The following JARID2 variants were observed in gnomAD, a reference collection of about 807,000 sequenced individuals.
JARID2 encodes the protein protein Jumonji.
Under a neutral mutation model 125.6 loss-of-function variants are expected in JARID2, and 21 were observed. The observed-to-expected ratio is 0.17, with a 90% CI of 0.12 to 0.24. The LOEUF (loss-of-function observed/expected upper bound fraction) is 0.24, where lower values mean the gene tolerates loss of function less well. Among genes scored for constraint, JARID2 ranks in the 10% least tolerant of loss-of-function variants. The probability of loss-of-function intolerance (pLI) is 1.00; values close to 1 mark genes in which losing one functional copy is unlikely to be tolerated. For missense variants in JARID2, 1,303 were observed against 1,639.6 expected (o/e 0.79, Z 3.55); for synonymous variants, 736 against 661.6 (o/e 1.11, Z -1.73).
intron 7 of JARID2, among the ~76,000 whole-genome samples, chr6:15,499,404 T>G (rs1267487788): frequency 6.6e-6 from 1 of 152,200 alleles, no homozygotes; most frequent in Non-Finnish European, 1.5e-5. Flanking sequence ...GAGGATTCCA[T>G]GAAGAATTCT....
chr6:15,263,287 A>G (rs1339268056), intron 1 of JARID2, among the ~76,000 whole-genome samples: 10 of 152,040 alleles, frequency 6.6e-5, no homozygotes, highest in East Asian at 1.9e-4. Flanking sequence ...GATTTCCTGC[A>G]TTACCTTAGG....
At chr6:15,259,758 T>TAAAA (rs1581334875) in intron 1 of JARID2, among the ~76,000 whole-genome samples, 1 of 151,998 alleles carries the variant, frequency 6.6e-6, no homozygotes, top group East Asian at 1.9e-4. Context: ...GCTGGTTACA[T>TAAAA]TTTTTTGATG....
At chr6:15,370,333 T>G (rs1200420493) in intron 1 of JARID2, among the ~76,000 whole-genome samples, 3 of 54,992 alleles carry the variant, frequency 5.5e-5, no homozygotes, top group Non-Finnish European at 1.1e-4. Flanking sequence ...CTGGGCTGTT[T>G]TTTTTTTTTT....
chr6:15,408,499 A>G (rs934394868), intron 2 of JARID2, among the ~76,000 whole-genome samples: 2 of 152,182 alleles, frequency 1.3e-5, no homozygotes, highest in Admixed American at 6.5e-5. Flanking sequence ...CCCCACTCGC[A>G]TAGTGACACT....
At position 15,319,153 on chromosome 6, in the gene JARID2, CAT is replaced by C. The variant is rs1762271910; in HGVS notation, c.46-54961_46-54960del. ...GAGAGGATGCTGTCTGTCTGTCTCT[CAT>C]ATGTATATAACATGCTTGGAATGCT... On this transcript the variant is annotated intron_variant, in intron 1 of 17. Transcript: ENST00000341776. Among the ~76,000 whole-genome samples the C allele has an allele frequency of 2.0e-5, 3 of 152,304 alleles. No homozygotes were observed. The South Asian group carries it at 6.2e-4, about 32-fold the overall frequency.
At chr6:15,285,778 C>T (rs2127386560) in intron 1 of JARID2, among the ~76,000 whole-genome samples, 1 of 152,192 alleles carries the variant, frequency 6.6e-6, no homozygotes, top group South Asian at 2.1e-4. Context: ...TGATTTCTAG[C>T]CATGCATCCT....
At chr6:15,384,987 G>A (rs574348551) in intron 2 of JARID2, among the ~76,000 whole-genome samples, 2 of 152,264 alleles carry the variant, frequency 1.3e-5, no homozygotes, top group East Asian at 3.9e-4. Flanking sequence ...CCCTGTGCTC[G>A]CTCAGCTTCT....
At chr6:15,274,075 C>T (rs563699409) in intron 1 of JARID2, among the ~76,000 whole-genome samples, 1 of 152,152 alleles carries the variant, frequency 6.6e-6, no homozygotes, top group East Asian at 1.9e-4. Context: ...ACTATAGGCG[C>T]CCGCCACCAC....
intron 1 of JARID2, among the ~76,000 whole-genome samples, chr6:15,254,567 A>G (rs1004248457): frequency 4.6e-5 from 7 of 152,210 alleles, no homozygotes; most frequent in African/African-American, 1.7e-4. Flanking sequence ...CCCTACTGGT[A>G]GAAGTTTTTG....
intron 1 of JARID2, among the ~76,000 whole-genome samples, chr6:15,356,524 A>G (rs1018986567): frequency 7.2e-5 from 11 of 152,180 alleles, no homozygotes; most frequent in African/African-American, 2.7e-4. Context: ...GTCACGTAGT[A>G]CATTGTGTTT....
chr6:15,326,592 C>T (rs933833198), intron 1 of JARID2, among the ~76,000 whole-genome samples: 8 of 152,176 alleles, frequency 5.3e-5, no homozygotes, highest in Non-Finnish European at 1.0e-4. Context: ...ACCTCCACCT[C>T]CCAGACTCAG....
chr6:15,247,786 A>C, intron 1 of JARID2: 1 of 985,434 alleles, frequency 1.0e-6, no homozygotes, highest in Non-Finnish European at 1.2e-6. Context: ...AAGAAATGCA[A>C]GGTTAAATAA....
At chr6:15,510,775 G>A (rs773574973) in intron 12 of JARID2, among the ~76,000 whole-genome samples, 4 of 152,200 alleles carry the variant, frequency 2.6e-5, no homozygotes, top group Non-Finnish European at 5.9e-5. Context: ...ATGTGCATGA[G>A]CCTGGCTCCT....
chr6:15,386,621 C>G (rs186273480), intron 2 of JARID2, among the ~76,000 whole-genome samples: 1 of 152,220 alleles, frequency 6.6e-6, no homozygotes, highest in Admixed American at 6.5e-5. Flanking sequence ...TTCGCCTGGC[C>G]GGTTGAGTTC....
At chr6:15,373,166 A>G (rs943485941) in intron 1 of JARID2, among the ~76,000 whole-genome samples, 5 of 152,196 alleles carry the variant, frequency 3.3e-5, no homozygotes, top group African/African-American at 1.2e-4. Flanking sequence ...TAGTGACTTA[A>G]TCTTGCTGAT....
chr6:15,487,550 C>T lies in JARID2; in HGVS notation c.906+8C>T, dbSNP rs955698871. 15 of 1,588,916 alleles carry T rather than the reference C, an allele frequency of 9.4e-6. No homozygotes were observed. The highest frequency in any genetic ancestry group is 1.7e-4 in the Middle Eastern group (1 of 5,958). ...CAGGACTTACGGAAACAGGTAAAGT[C>T]CAGCAGGGGTGCCTACATGTGTGCC... On this transcript the variant is annotated splice_region_variant and intron_variant, in intron 6 of 17. Transcript: ENST00000341776.
At chr6:15,287,873 A>T (rs1355638401) in intron 1 of JARID2, among the ~76,000 whole-genome samples, 1 of 152,120 alleles carries the variant, frequency 6.6e-6, no homozygotes, top group East Asian at 1.9e-4. Context: ...CCACTTCCCC[A>T]TTTGTGAGCT....
chr6:15,327,133 C>G (rs1762556997), intron 1 of JARID2, among the ~76,000 whole-genome samples: 1 of 152,194 alleles, frequency 6.6e-6, no homozygotes, highest in South Asian at 2.1e-4. Context: ...TCTCCCCTTT[C>G]TCTTACTCTG....
rs554233032 is a variant in JARID2, at chr6:15,420,094, C to CT, written c.323+9733dup. ...CTGCTGGTAAGACTATTGAATATAT[C>CT]TTTTATCTCAGACATTGTTATTATA... On this transcript the variant is annotated intron_variant, in intron 3 of 17. Coordinates refer to ENST00000341776, the MANE Select transcript of JARID2 (RefSeq NM_004973.4). 1.2e-4 allele frequency among the ~76,000 whole-genome samples: 19 copies of CT among 152,198 alleles called. No homozygotes were observed. In the South Asian group the frequency reaches 3.1e-3, roughly 25 times the overall value.
Sources: gnomAD v4.1 joint callset for allele counts (sites outside exome capture counted in the v4.1 genomes callset) on GRCh38, gnomAD v4.1.1 for gene constraint, MANE v1.5 for transcripts, NCBI Gene and HGNC (gene_info 2026-07-23, HGNC 2026-07-21) for gene names.